MSRA: variants seen among roughly 807,000 people sequenced by gnomAD.
MSRA encodes methionine sulfoxide reductase A.
MSRA carries 54 observed loss-of-function variants against 31.3 expected under a neutral mutation model. The observed-to-expected ratio is 1.73, with a 90% CI of 1.39 to 2.17. The LOEUF (loss-of-function observed/expected upper bound fraction) is 2.17, where lower values mean the gene tolerates loss of function less well. Ranked by LOEUF, MSRA falls within the 30% of genes most tolerant of loss-of-function variation. MSRA has a pLI of 0.00. For missense variants in MSRA, 507 were observed against 300.9 expected (o/e 1.69, Z -5.07); for synonymous variants, 169 against 116.5 (o/e 1.45, Z -2.90).
rs186663761 is a variant in MSRA, at chr8:10,151,607, G to A, written c.143-56226G>A. ...GGAGCTTGCAGTGAGCCCAGATCGC[G>A]CCACTGCACTCCAGCCTGGGCGACA... On this transcript the variant is annotated intron_variant, in intron 1 of 5. Coordinates refer to ENST00000317173, the MANE Select transcript of MSRA (RefSeq NM_012331.5). Among the ~76,000 whole-genome samples, 492 of 151,402 alleles carry A rather than the reference G, an allele frequency of 3.2e-3. 17 individuals are homozygous for A. The highest frequency in any genetic ancestry group is 0.025 in the Admixed American group (379 of 15,250).
intron 1 of MSRA, among the ~76,000 whole-genome samples, chr8:10,056,198 C>CAAAAAAA (rs35457688): frequency 2.2e-5 from 2 of 91,014 alleles, no homozygotes; most frequent in Admixed American, 1.2e-4. Flanking sequence ...TCCCATACAC[C>CAAAAAAA]AAAAAAAAAA....
At chr8:10,397,023 G>A (rs753727162) in intron 5 of MSRA, among the ~76,000 whole-genome samples, 1 of 152,166 alleles carries the variant, frequency 6.6e-6, no homozygotes, top group African/African-American at 2.4e-5. Flanking sequence ...GATAAGGATT[G>A]TTCTCCATCT....
chr8:10,394,375 A>C (rs1806963491), intron 5 of MSRA, among the ~76,000 whole-genome samples: 1 of 152,138 alleles, frequency 6.6e-6, no homozygotes, highest in African/African-American at 2.4e-5. Context: ...TAGCCACCCC[A>C]CCCCAGCTTT....
chr8:10,196,615 T>G (rs1362359156), intron 1 of MSRA, among the ~76,000 whole-genome samples: 1 of 152,164 alleles, frequency 6.6e-6, no homozygotes, highest in East Asian at 1.9e-4. Context: ...AGTGGTGCAA[T>G]CTCGACTCAT....
chr8:10,413,492 C>T (rs1448277191), intron 5 of MSRA, among the ~76,000 whole-genome samples: 3 of 151,276 alleles, frequency 2.0e-5, no homozygotes, highest in Non-Finnish European at 4.4e-5. Context: ...GTCTGATTTT[C>T]AAGAAAAAAA....
At chr8:10,258,868 A>T (rs545105152) in intron 3 of MSRA, among the ~76,000 whole-genome samples, 2 of 152,314 alleles carry the variant, frequency 1.3e-5, no homozygotes, top group East Asian at 3.9e-4. Flanking sequence ...GCACTTTGGG[A>T]GGCCAAGGCG....
intron 3 of MSRA, among the ~76,000 whole-genome samples, chr8:10,293,434 G>A (rs1800355901): frequency 6.6e-6 from 1 of 152,212 alleles, no homozygotes; most frequent in East Asian, 1.9e-4. Flanking sequence ...GTCCCGGTAT[G>A]CGTGTGACTG....
At chr8:10,099,694 GGC>G (rs1799408250) in intron 1 of MSRA, among the ~76,000 whole-genome samples, 1 of 152,188 alleles carries the variant, frequency 6.6e-6, no homozygotes, top group Non-Finnish European at 1.5e-5. Context: ...CTCTGTTGCT[GGC>G]TATGGGTTTA....
chr8:10,252,027 A>C (rs1797944366), intron 3 of MSRA, among the ~76,000 whole-genome samples: 1 of 152,212 alleles, frequency 6.6e-6, no homozygotes, highest in Non-Finnish European at 1.5e-5. Context: ...GAACTCGGTA[A>C]GATTCAAGCT....
intron 1 of MSRA, among the ~76,000 whole-genome samples, chr8:10,199,198 A>G (rs1367702329): frequency 6.6e-6 from 1 of 151,792 alleles, no homozygotes; most frequent in East Asian, 1.9e-4. Flanking sequence ...TTCCTCTTGC[A>G]CTCTAATGGG....
intron 3 of MSRA, among the ~76,000 whole-genome samples, chr8:10,291,407 A>G (rs1047329724): frequency 9.9e-5 from 8 of 80,458 alleles, no homozygotes; most frequent in Non-Finnish European, 1.8e-4. Flanking sequence ...TAAGTGACGA[A>G]TGAGACAAAA....
chr8:10,143,458 C>T (rs1025972735), intron 1 of MSRA, among the ~76,000 whole-genome samples: 4 of 152,242 alleles, frequency 2.6e-5, no homozygotes, highest in Admixed American at 2.0e-4. Flanking sequence ...AGTGTCGCAG[C>T]GATTGTTAAT....
intron 1 of MSRA, among the ~76,000 whole-genome samples, chr8:10,055,535 C>T (rs1802307014): frequency 6.6e-6 from 1 of 152,198 alleles, no homozygotes; most frequent in Non-Finnish European, 1.5e-5. Flanking sequence ...GGGCGTTCCC[C>T]CATTACTGAA....
At chr8:10,373,574 C>G (rs913137021) in intron 5 of MSRA, among the ~76,000 whole-genome samples, 6 of 152,234 alleles carry the variant, frequency 3.9e-5, no homozygotes, top group African/African-American at 9.6e-5. Flanking sequence ...AAGTTGCTGC[C>G]TTTGTGGGCC....
chr8:10,144,893 T>C (rs1282675298), intron 1 of MSRA, among the ~76,000 whole-genome samples: 1 of 152,126 alleles, frequency 6.6e-6, no homozygotes, highest in Admixed American at 6.5e-5. Context: ...GTAAACCCCA[T>C]GATTATTGCC....
At chr8:10,271,591 G>T (rs948096967) in intron 3 of MSRA, among the ~76,000 whole-genome samples, 1 of 21,210 alleles carries the variant, frequency 4.7e-5, no homozygotes, top group Non-Finnish European at 1.1e-4. Flanking sequence ...ATTAAAAATT[G>T]TTTTATCTCT....
chr8:10,285,183 C>G (rs115511190), intron 3 of MSRA, among the ~76,000 whole-genome samples: 1 of 152,192 alleles, frequency 6.6e-6, no homozygotes, highest in Non-Finnish European at 1.5e-5. Context: ...AACCAAAACT[C>G]TGTGACCATT....
chr8:10,231,237 G>A (rs1179456847), intron 2 of MSRA, among the ~76,000 whole-genome samples: 1 of 152,100 alleles, frequency 6.6e-6, no homozygotes, highest in Non-Finnish European at 1.5e-5. Context: ...GGCGGACAGG[G>A]AGGAGGCTGC....
At chr8:10,198,594 G>A in intron 1 of MSRA, among the ~76,000 whole-genome samples, 1 of 152,144 alleles carries the variant, frequency 6.6e-6, no homozygotes, top group East Asian at 1.9e-4. Context: ...GCAGTGACTA[G>A]GTCGAAGGGT....
Sources: allele counts gnomAD v4.1 joint callset (sites outside exome capture counted in the v4.1 genomes callset), GRCh38; gene constraint gnomAD v4.1.1; transcripts MANE v1.5; gene names NCBI Gene and HGNC (gene_info 2026-07-23, HGNC 2026-07-21).